RPTOR: variants seen among roughly 807,000 people sequenced by gnomAD.
The protein encoded by RPTOR is regulatory-associated protein of mTOR.
RPTOR carries 21 observed loss-of-function variants against 169.9 expected under a neutral mutation model. The ratio of observed to expected loss-of-function variants is 0.12; its 90% CI spans 0.09 to 0.18. RPTOR has a LOEUF of 0.18. Ranked by LOEUF, RPTOR falls within the 10% of genes least tolerant of loss-of-function variation. The pLI, the probability that RPTOR is intolerant of heterozygous loss-of-function variation, is 1.00. For synonymous variants in RPTOR, 732 were observed against 753.2 expected (o/e 0.97, Z 0.46); for missense variants, 1,133 against 1,855.9 (o/e 0.61, Z 7.16).
chr17:80,657,865 C>T (rs2065692032), intron 3 of RPTOR, among the ~76,000 whole-genome samples: 2 of 152,126 alleles, frequency 1.3e-5, no homozygotes, highest in African/African-American at 4.8e-5. Flanking sequence ...CTCACCTGTT[C>T]TTTATTTTTT....
intron 7 of RPTOR, among the ~76,000 whole-genome samples, chr17:80,808,669 G>C (rs1381377872): frequency 6.6e-6 from 1 of 152,162 alleles, no homozygotes; most frequent in Non-Finnish European, 1.5e-5. Context: ...ACCTGTCCCA[G>C]TTAATCCCTC....
chr17:80,961,724 C>G, intron 31 of RPTOR: 1 of 505,288 alleles, frequency 2.0e-6, no homozygotes, highest in Non-Finnish European at 3.5e-6. Flanking sequence ...GGGCTGCCAA[C>G]TGCGGAGGGT....
intron 1 of RPTOR, among the ~76,000 whole-genome samples, chr17:80,548,025 G>A (rs2084297907): frequency 6.6e-6 from 1 of 150,704 alleles, no homozygotes; most frequent in Non-Finnish European, 1.5e-5. Context: ...CAAACACACT[G>A]TAGTCCAACA....
At chr17:80,789,683 A>G (rs1390284483) in intron 6 of RPTOR, among the ~76,000 whole-genome samples, 2 of 152,218 alleles carry the variant, frequency 1.3e-5, no homozygotes, top group Non-Finnish European at 2.9e-5. Context: ...TTTCAGTCGC[A>G]TGCTAACCCC....
chr17:80,574,189 G>A (rs970797070), intron 1 of RPTOR, among the ~76,000 whole-genome samples: 2 of 129,008 alleles, frequency 1.6e-5, no homozygotes, highest in East Asian at 2.1e-4. Context: ...ACGGAGTCTC[G>A]CTCTGTCGCC....
rs2066571599 is a variant in RPTOR, at chr17:80,746,178, AG to A, written c.655-7831del. On this transcript the variant is annotated intron_variant, in intron 5 of 33. Coordinates refer to ENST00000306801, the MANE Select transcript of RPTOR (RefSeq NM_020761.3). The surrounding 1 kb of genome is among the most constrained non-coding windows in gnomAD (Gnocchi z 4.5). ...CCTCCATCTCAAAAAAAAAAAAAAA[AG>A]TGCAGTGCAGGTGATCCCCACCGCC... 7.7e-6 allele frequency among the ~76,000 whole-genome samples: 1 copy of A among 130,284 alleles called. No homozygotes were observed. The highest frequency in any genetic ancestry group is 2.6e-5 in the African/African-American group (1 of 39,032). 85.5% of individuals were successfully genotyped at this position (130,284 alleles called of 152,430 possible).
At chr17:80,670,657 G>A (rs777216838) in intron 3 of RPTOR, among the ~76,000 whole-genome samples, 3 of 152,018 alleles carry the variant, frequency 2.0e-5, no homozygotes, top group Non-Finnish European at 2.9e-5. Flanking sequence ...TACAGCTCCC[G>A]GCCAGGTGGT....
chr17:80,549,624 C>T (rs2084321213), intron 1 of RPTOR, among the ~76,000 whole-genome samples: 1 of 152,194 alleles, frequency 6.6e-6, no homozygotes, highest in African/African-American at 2.4e-5. Context: ...AACTGTGATA[C>T]TTTATAGTTA....
At chr17:80,618,410 A>G (rs933848855) in intron 1 of RPTOR, among the ~76,000 whole-genome samples, 4 of 152,234 alleles carry the variant, frequency 2.6e-5, no homozygotes, top group African/African-American at 9.6e-5. Context: ...TTTGACTTTC[A>G]GAAATCTAAA....
intron 9 of RPTOR, among the ~76,000 whole-genome samples, chr17:80,830,407 G>T (rs1475302147): frequency 1.3e-5 from 2 of 152,198 alleles, no homozygotes; most frequent in Non-Finnish European, 2.9e-5. Context: ...AGTTCACTAT[G>T]TGTGCAGAAA....
At chr17:80,601,311 C>T (rs1323529693) in intron 1 of RPTOR, among the ~76,000 whole-genome samples, 2 of 152,288 alleles carry the variant, frequency 1.3e-5, no homozygotes, top group Non-Finnish European at 2.9e-5. Context: ...TTCCTGAATT[C>T]CTGCCCCTGC....
At chr17:80,582,806 A>G (rs2065025831) in intron 1 of RPTOR, among the ~76,000 whole-genome samples, 1 of 151,876 alleles carries the variant, frequency 6.6e-6, no homozygotes, top group African/African-American at 2.4e-5. Context: ...AGCCTCCCAA[A>G]GTGCTGGGAT....
chr17:80,903,612 G>A (rs987986230), intron 20 of RPTOR, among the ~76,000 whole-genome samples: 1 of 152,162 alleles, frequency 6.6e-6, no homozygotes, highest in Non-Finnish European at 1.5e-5. Context: ...TCGAACTCTT[G>A]GGCTCAAGCA....
chr17:80,574,049 A>G (rs1218128585), intron 1 of RPTOR, among the ~76,000 whole-genome samples: 2 of 152,146 alleles, frequency 1.3e-5, no homozygotes, highest in African/African-American at 4.8e-5. Flanking sequence ...TGTCCCACAA[A>G]TGCCTGGTAG....
intron 13 of RPTOR, among the ~76,000 whole-genome samples, chr17:80,862,278 G>A (rs2067925516): frequency 6.6e-6 from 1 of 152,096 alleles, no homozygotes; most frequent in Non-Finnish European, 1.5e-5. Context: ...TCCACTGAGG[G>A]GCATTTTGAA....
chr17:80,664,499 C>T (rs2065748775), intron 3 of RPTOR, among the ~76,000 whole-genome samples: 2 of 151,810 alleles, frequency 1.3e-5, no homozygotes, highest in Admixed American at 1.3e-4. Context: ...TCCTCCTTCC[C>T]CTTTCAGTGC....
At chr17:80,884,815 G>A (rs867928957) in intron 16 of RPTOR, among the ~76,000 whole-genome samples, 193 bp from the exon 17 acceptor site, 2 of 152,334 alleles carry the variant, frequency 1.3e-5, no homozygotes, top group Non-Finnish European at 1.5e-5. Context: ...CCTGGAGCTG[G>A]GCGGCTGCCC....
intron 31 of RPTOR, among the ~76,000 whole-genome samples, 181 bp from the exon 32 acceptor site, chr17:80,962,280 C>G (rs931775712): frequency 6.6e-6 from 1 of 152,224 alleles, no homozygotes; most frequent in African/African-American, 2.4e-5. Flanking sequence ...AGTATGGGTG[C>G]ATGTCTGGGC....
At position 80,609,961 on chromosome 17, in the gene RPTOR, G is replaced by A. The variant is rs796635461; in HGVS notation, c.163-15730G>A. Among the ~76,000 whole-genome samples, 24 of 152,258 alleles carry A rather than the reference G, an allele frequency of 1.6e-4. No homozygotes were observed. Among genetic ancestry groups the A allele is most frequent in the African/African-American group, 5.5e-4 (23 of 41,558 alleles). On this transcript the variant is annotated intron_variant, in intron 1 of 33. Coordinates refer to ENST00000306801, the MANE Select transcript of RPTOR (RefSeq NM_020761.3). The surrounding 1 kb of genome is among the most constrained non-coding windows in gnomAD (Gnocchi z 4.8). The stretch of plus-strand genomic sequence containing the variant: ...TGCAGTGCCTGCTGGGTCCTGGAAC[G>A]AGGCCTTCCAGCAAGTCGGTTCTCA...
Sources: allele counts gnomAD v4.1 joint callset (sites outside exome capture counted in the v4.1 genomes callset), GRCh38; gene constraint gnomAD v4.1.1; non-coding constraint Gnocchi (gnomAD v3.1); transcripts MANE v1.5; gene names NCBI Gene and HGNC (gene_info 2026-07-23, HGNC 2026-07-21).